CLDN10: variants seen among roughly 807,000 people sequenced by gnomAD.
CLDN10 encodes claudin-10.
A neutral mutation model predicts 22.9 loss-of-function variants in CLDN10; 15 were observed. The observed-to-expected ratio is 0.65, with a 90% CI of 0.44 to 1.01. The LOEUF is 1.01. Among genes scored for constraint, CLDN10 ranks in the 50% least tolerant of loss-of-function variants. CLDN10 has a pLI of 0.00. For synonymous variants in CLDN10, 114 were observed against 111.4 expected (o/e 1.02, Z -0.15); for missense variants, 247 against 287.8 (o/e 0.86, Z 1.03).
intron 3 of CLDN10, 32 bp downstream of exon 3, chr13:95,560,495 AC>A (rs2043694379): frequency 6.6e-7 from 1 of 1,517,834 alleles, no homozygotes; most frequent in East Asian, 2.3e-5. Flanking sequence ...TTTCCAGCTC[AC>A]AGGAAGTGTA....
At chr13:95,532,168 G>A (rs541342717) in intron 1 of CLDN10, among the ~76,000 whole-genome samples, 1 of 152,242 alleles carries the variant, frequency 6.6e-6, no homozygotes, top group Admixed American at 6.5e-5. Flanking sequence ...ATATACATTA[G>A]ACATCATCAA....
chr13:95,526,681 G>A (rs563297630), intron 1 of CLDN10, among the ~76,000 whole-genome samples: 23 of 152,144 alleles, frequency 1.5e-4, no homozygotes, highest in South Asian at 2.1e-4. Flanking sequence ...ACAGCTACTC[G>A]GGAGGCTGAG....
chr13:95,548,723 A>G (rs2043534849), upstream of CLDN10, among the ~76,000 whole-genome samples: 1 of 152,240 alleles, frequency 6.6e-6, no homozygotes, highest in African/African-American at 2.4e-5. Context: ...GTGATGTAAC[A>G]ATACTTGGCT....
intron 1 of CLDN10, among the ~76,000 whole-genome samples, chr13:95,514,163 G>A (rs2043136916): frequency 6.6e-6 from 1 of 152,186 alleles, no homozygotes; most frequent in African/African-American, 2.4e-5. Flanking sequence ...GGAGGCTGAC[G>A]CAGGAGGATG....
intron 1 of CLDN10, among the ~76,000 whole-genome samples, chr13:95,481,055 C>A (rs2042742021): frequency 6.6e-6 from 1 of 152,132 alleles, no homozygotes; most frequent in African/African-American, 2.4e-5. Context: ...CAAGCACAGG[C>A]ACTCTCCGTC....
rs141404004 is a variant in CLDN10, at chr13:95,520,662, A to G, written c.215-39470A>G. 3.2e-3 allele frequency among the ~76,000 whole-genome samples: 484 copies of G among 152,288 alleles called. 3 individuals are homozygous for G. The highest frequency in any genetic ancestry group is 5.7e-3 in the Non-Finnish European group (388 of 68,024). On this transcript the variant is annotated intron_variant, in intron 1 of 4. Transcript: ENST00000376873. The stretch of plus-strand genomic sequence containing the variant: ...TGCTGGAATTACAGGCATGAGTTAC[A>G]GCGCCTGGACAAGTTCATGTTTTAA...
chr13:95,560,499 GA>G (rs1290075663), intron 3 of CLDN10, 36 bp downstream of exon 3: 1 of 1,500,742 alleles, frequency 6.7e-7, no homozygotes, highest in Admixed American at 1.7e-5. Context: ...CAGCTCACAG[GA>G]AGTGTATATA....
At chr13:95,519,345 G>C (rs920753810) in intron 1 of CLDN10, among the ~76,000 whole-genome samples, 1 of 152,152 alleles carries the variant, frequency 6.6e-6, no homozygotes, top group East Asian at 1.9e-4. Flanking sequence ...TCTCATGTCT[G>C]GTCACAAAAG....
At chr13:95,541,226 C>T (rs760706809) in intron 1 of CLDN10, among the ~76,000 whole-genome samples, 4 of 152,192 alleles carry the variant, frequency 2.6e-5, no homozygotes, top group Non-Finnish European at 5.9e-5. Context: ...CTTTCTAACA[C>T]TTGTTGGAGG....
chr13:95,556,782 T>C (rs1566335751), intron 1 of CLDN10, among the ~76,000 whole-genome samples: 4 of 152,304 alleles, frequency 2.6e-5, no homozygotes, highest in African/African-American at 4.8e-5. Flanking sequence ...CATTCTTTTT[T>C]CCCCCCTAAA....
At chr13:95,568,938 G>A (rs1334853622) in intron 3 of CLDN10, among the ~76,000 whole-genome samples, 1 of 152,078 alleles carries the variant, frequency 6.6e-6, no homozygotes, top group Non-Finnish European at 1.5e-5. Context: ...CTTTCTAGCT[G>A]TGTAACTTTG....
At chr13:95,473,510 G>A (rs1030530007) in intron 1 of CLDN10, among the ~76,000 whole-genome samples, 2 of 152,222 alleles carry the variant, frequency 1.3e-5, no homozygotes, top group African/African-American at 4.8e-5. Context: ...GCCCTCGGCC[G>A]CTCACCACCC....
chr13:95,511,964 A>G (rs6492808), intron 1 of CLDN10, among the ~76,000 whole-genome samples: 124,854 of 131,498 alleles, frequency 0.95, 59,743 homozygotes, highest in East Asian at 1. Flanking sequence ...TCATCATTTA[A>G]CATTAGGTAT....
chr13:95,498,586 G>A (rs2042951854), intron 1 of CLDN10, among the ~76,000 whole-genome samples: 1 of 151,946 alleles, frequency 6.6e-6, no homozygotes, highest in Non-Finnish European at 1.5e-5. Context: ...GTAGAGATGG[G>A]GTTTCACCAT....
chr13:95,454,447 A>G (rs1192008649), intron 1 of CLDN10, among the ~76,000 whole-genome samples: 1 of 151,958 alleles, frequency 6.6e-6, no homozygotes, highest in East Asian at 1.9e-4. Context: ...AAAGAGAGAG[A>G]GAGAGGAAGG....
intron 1 of CLDN10, among the ~76,000 whole-genome samples, chr13:95,523,418 A>G (rs2043242177): frequency 6.6e-6 from 1 of 152,110 alleles, no homozygotes; most frequent in African/African-American, 2.4e-5. Context: ...TGTTATTATC[A>G]TCCGTTTAAG....
intron 3 of CLDN10, among the ~76,000 whole-genome samples, chr13:95,562,745 A>G (rs1566339517): frequency 6.6e-6 from 1 of 152,166 alleles, no homozygotes; most frequent in Non-Finnish European, 1.5e-5. Context: ...ACTCTTCCGC[A>G]TTATCTTTTC....
chr13:95,562,886 GTGACTGTTTTC>G (rs1349153731), intron 3 of CLDN10, among the ~76,000 whole-genome samples: 9 of 152,104 alleles, frequency 5.9e-5, no homozygotes, highest in African/African-American at 2.2e-4. Flanking sequence ...CTATCTTTGC[GTGACTGTTTTC>G]TGTCCTTACT....
intron 1 of CLDN10, among the ~76,000 whole-genome samples, chr13:95,440,150 G>T (rs547608562): frequency 6.0e-4 from 92 of 152,192 alleles, no homozygotes; most frequent in African/African-American, 2.1e-3. Flanking sequence ...CTGACCTCGT[G>T]ATCCACCCAC....
Sources: allele counts gnomAD v4.1 joint callset (sites outside exome capture counted in the v4.1 genomes callset), GRCh38; gene constraint gnomAD v4.1.1; transcripts MANE v1.5; gene names NCBI Gene and HGNC (gene_info 2026-07-23, HGNC 2026-07-21).